The following NAALADL1 variants were observed in gnomAD, a reference collection of about 807,000 sequenced individuals.
NAALADL1 encodes N-acetylated alpha-linked acidic dipeptidase like 1.
A neutral mutation model predicts 82.8 loss-of-function variants in NAALADL1; 77 were observed. The ratio of observed to expected loss-of-function variants is 0.93; its 90% CI spans 0.77 to 1.12. NAALADL1 has a LOEUF of 1.12. NAALADL1 is among the 50% of genes most tolerant of loss of function. NAALADL1 has a pLI of 0.00. For synonymous variants in NAALADL1, 358 were observed against 399.2 expected (o/e 0.90, Z 1.23); for missense variants, 956 against 964.0 (o/e 0.99, Z 0.11).
In NAALADL1 at chr11:65,057,485, G is replaced by A. The variant is rs34388471; in HGVS notation, c.489C>T (p.Leu163=). ...YAPSGTPQGL[L]VYANRGAEED... is the part of the protein sequence containing the mutation. ...CTTCCGCGCCCCGGTTGGCATAGACGAGGAGGCCCTAGTCCCAAGAGGGGG... is the reference window on the plus strand; with the variant it reads ...CTTCCGCGCCCCGGTTGGCATAGACAAGGAGGCCCTAGTCCCAAGAGGGGG... The change falls in exon 4 of 18, where the codon CTC becomes CTT. Residue 163 remains leucine, a synonymous_variant. Coordinates refer to ENST00000358658, the MANE Select transcript of NAALADL1 (RefSeq NM_005468.3). 4.9e-3 allele frequency: 7,937 copies of A among 1,613,374 alleles called. 337 individuals are homozygous for A. In the African/African-American group the frequency reaches 0.093, roughly 19 times the overall value.
At chr11:65,046,580 T>A in intron 13 of NAALADL1, 54 bp from the exon 14 acceptor site, 1 of 1,566,086 alleles carries the variant, frequency 6.4e-7, no homozygotes, top group African/African-American at 1.4e-5. Flanking sequence ...TGGGAGAAGG[T>A]GTACCTCCAG....
intron 1 of NAALADL1, 22 bp downstream of exon 1, chr11:65,058,315 A>T: frequency 6.2e-7 from 1 of 1,613,930 alleles, no homozygotes; most frequent in Non-Finnish European, 8.5e-7. Flanking sequence ...CAAACGGAGG[A>T]GCAGATGGCC....
intron 4 of NAALADL1, among the ~76,000 whole-genome samples, chr11:65,056,031 C>A (rs1947030822): frequency 6.6e-6 from 1 of 151,704 alleles, no homozygotes; most frequent in Non-Finnish European, 1.5e-5. Context: ...ATTACAGGTG[C>A]CTGCCACCAT....
Position 65,044,925 on chromosome 11 carries a change from AC to A in NAALADL1, c.*345del. ...ACGCAGACTAGCCAAGGCCTAAGGT[AC>A]CCCAAGACTCACTTTCGCCACTGGT... is the stretch of plus-strand genomic sequence containing the variant. On this transcript the variant is annotated 3_prime_UTR_variant, in exon 18 of 18. Transcript: ENST00000358658. The surrounding 1 kb of genome is among the most constrained non-coding windows in gnomAD (Gnocchi z 4.0). 1.5e-6 allele frequency: 1 copy of A among 685,484 alleles called. No homozygotes were observed. Among genetic ancestry groups the A allele is most frequent in the Non-Finnish European group, 2.4e-6 (1 of 418,202 alleles). The allele number at this position is 685,484 out of a possible 1,614,324, so 42.5% of individuals were successfully genotyped here.
In NAALADL1 at chr11:65,053,576, G is replaced by A; in HGVS notation, c.993C>T (p.Ser331=). Residue 331 remains serine, a splice_region_variant and synonymous_variant, in exon 7 of 18, where the codon AGC becomes AGT. Transcript: ENST00000358658. The surrounding 1 kb of genome is among the most constrained non-coding windows in gnomAD (Gnocchi z 4.3). ...FRPDGDFPAD[S]QVNVSVYNRL... ...GGTTGTAGACGCTCACATTCACCTGGCTGGGGAGGGTGAAGGGTGTGAGAA... is the reference window on the plus strand; with the variant it reads ...GGTTGTAGACGCTCACATTCACCTGACTGGGGAGGGTGAAGGGTGTGAGAA... 4 of 1,593,174 alleles carry A rather than the reference G, an allele frequency of 2.5e-6. No homozygotes were observed. Among genetic ancestry groups the A allele is most frequent in the Non-Finnish European group, 3.4e-6 (4 of 1,167,986 alleles).
At position 65,047,509 on chromosome 11, in the gene NAALADL1, A is replaced by T; in HGVS notation, c.1565T>A (p.Ile522Asn). The T allele has an allele frequency of 6.4e-7, 1 of 1,569,960 alleles. No homozygotes were observed. The change falls in exon 13 of 18, where the codon ATC (isoleucine) becomes AAC (asparagine). Residue 522 changes from isoleucine (I) to asparagine (N), a missense_variant. Physicochemically the swap from Ile to Asn is moderately radical, Grantham distance 149. Transcript: ENST00000358658. ...GGTATAGGCAATGTCCATGGAGGAG[A>T]TGCCCAGGAAGTGAACGAAGGGTGC... is the stretch of plus-strand genomic sequence containing the variant. ...DYAPFVHFLG[I>N]SSMDIAYTYD...
At position 65,053,245 on chromosome 11, in the gene NAALADL1, G is replaced by T; in HGVS notation, c.1171C>A (p.Arg391Ser). Residue 391 changes from arginine to serine, a missense_variant, in exon 8 of 18, where the codon CGT (arginine) becomes AGT (serine). Coordinates refer to ENST00000358658, the MANE Select transcript of NAALADL1 (RefSeq NM_005468.3). The surrounding 1 kb of genome is among the most constrained non-coding windows in gnomAD (Gnocchi z 4.3). ...TTCTTCAGCAGGGTCCCCAGGACAC[G>T]GGAGAGCTCCAGGAGGACGGCGGTG... is the stretch of plus-strand genomic sequence containing the variant. ...SGTAVLLELS[R>S]VLGTLLKKGT... The T allele has an allele frequency of 6.4e-7, 1 of 1,552,816 alleles. No individual in the cohort carries two copies.
rs1427762609 is a variant in NAALADL1 at position 65,054,413 on chromosome 11, G to C, written c.887+42C>G. ...GTGAGTGTGGGGCTTGAAGTCTGGA[G>C]GCCACTGGGGCTGGGCAGGACACCC... On this transcript the variant is annotated intron_variant, in intron 5 of 17. Transcript: ENST00000358658. This position sits in a 1 kb window ranked among gnomAD's most constrained non-coding sequence, Gnocchi z 4.3. 1 of 1,612,322 alleles carries C rather than the reference G, an allele frequency of 6.2e-7. No individual in the cohort carries two copies. The highest frequency in any genetic ancestry group is 8.5e-7 in the Non-Finnish European group (1 of 1,178,698).
chr11:65,047,448 G>C, intron 13 of NAALADL1, 27 bp downstream of exon 13: 1 of 1,545,314 alleles, frequency 6.5e-7, no homozygotes, highest in Non-Finnish European at 8.8e-7. Flanking sequence ...AAGGTACCGA[G>C]GCAGGGACGG....
In NAALADL1 at chr11:65,054,829, G is replaced by A; in HGVS notation, c.604-91C>T. On this transcript the variant is annotated intron_variant, in intron 4 of 17. Coordinates refer to ENST00000358658, the MANE Select transcript of NAALADL1 (RefSeq NM_005468.3). This position sits in a 1 kb window ranked among gnomAD's most constrained non-coding sequence, Gnocchi z 4.3. ...CCTCCTTCCTCGACTGTGGAAGCCA[G>A]GATAGACCAATCTTCCATGGGCAAG... 1 of 1,470,034 alleles carries A rather than the reference G, an allele frequency of 6.8e-7. No individual in the cohort carries two copies. Among genetic ancestry groups the A allele is most frequent in the East Asian group, 2.3e-5 (1 of 43,202 alleles). 91.1% of individuals were successfully genotyped at this position (1,470,034 alleles called of 1,614,324 possible).
rs1404924513 is a variant in NAALADL1, at chr11:65,053,312, G to A, written c.1104C>T (p.His368=). The part of the protein sequence containing the change: ...EPDRYVLYGN[H]RDSWVHGAVD... ...CAGCCCCGTGCACCCAGCTGTCTCG[G>A]TGGTTCCCATACAGCACGTAGCGAT... Residue 368 remains histidine, a synonymous_variant, in exon 8 of 18, where the codon CAC becomes CAT. Transcript: ENST00000358658. This position sits in a 1 kb window ranked among gnomAD's most constrained non-coding sequence, Gnocchi z 4.3. The A allele has an allele frequency of 1.3e-6, 2 of 1,566,244 alleles. No individual in the cohort carries two copies. Among genetic ancestry groups the A allele is most frequent in the Admixed American group, 1.9e-5 (1 of 51,982 alleles).
At chr11:65,045,501 G>T in intron 17 of NAALADL1, 44 bp from the exon 18 acceptor site, 1 of 1,534,702 alleles carries the variant, frequency 6.5e-7, no homozygotes, top group Non-Finnish European at 8.8e-7. Context: ...TCAGTCAGGG[G>T]CCAGGAAAGA....
chr11:65,055,082 A>C (rs568958277), intron 4 of NAALADL1, among the ~76,000 whole-genome samples: 1 of 152,346 alleles, frequency 6.6e-6, no homozygotes, highest in East Asian at 1.9e-4. Context: ...TCAACAGATG[A>C]ATGGCTAAAC....
chr11:65,045,952 C>T, intron 16 of NAALADL1, 38 bp from the exon 17 acceptor site: 1 of 1,612,408 alleles, frequency 6.2e-7, no homozygotes, highest in Non-Finnish European at 8.5e-7. Context: ...ACCCTGGAGC[C>T]AGCAGCCCAG....
chr11:65,048,003 A>G lies in NAALADL1; in HGVS notation c.1394T>C (p.Val465Ala). 2 of 1,611,650 alleles carry G rather than the reference A, an allele frequency of 1.2e-6. No individual in the cohort carries two copies. The highest frequency in any genetic ancestry group is 1.1e-5 in the South Asian group (1 of 90,946). Residue 465 changes from valine (V) to alanine (A), a missense_variant, in exon 11 of 18, where the codon GTC becomes GCC. By Grantham distance (64) the Val-to-Ala change is moderately conservative. Coordinates refer to ENST00000358658, the MANE Select transcript of NAALADL1 (RefSeq NM_005468.3). ...CACCTCTTTGGTTGCAGAGAAGACG[A>G]CGCTCTGGACAGGGGGCGTCCCCTG... ...RVQGTPPVQS[V>A]VFSATKEIRS... is the part of the protein sequence containing the mutation.
At position 65,054,845 on chromosome 11, in the gene NAALADL1, C is replaced by T; in HGVS notation, c.604-107G>A. 1 of 1,401,108 alleles carries T rather than the reference C, an allele frequency of 7.1e-7. No homozygotes were observed. Among genetic ancestry groups the T allele is most frequent in the East Asian group, 2.4e-5 (1 of 41,950 alleles). 86.8% of individuals were successfully genotyped at this position (1,401,108 alleles called of 1,614,324 possible). A position where few individuals can be genotyped will look rare whatever the true frequency, so the allele number is the denominator to read the frequency against. On this transcript the variant is annotated intron_variant, in intron 4 of 17. Coordinates refer to ENST00000358658, the MANE Select transcript of NAALADL1 (RefSeq NM_005468.3). The surrounding 1 kb of genome is among the most constrained non-coding windows in gnomAD (Gnocchi z 4.3). The stretch of plus-strand genomic sequence containing the variant: ...TGGAAGCCAGGATAGACCAATCTTC[C>T]ATGGGCAAGATGACGTTTGCACAAG...
rs1303425178 is a variant in NAALADL1 at position 65,058,471 on chromosome 11, C to T, written c.51G>A (p.Leu17=). ...AGTGGCCGAGGATGATCCCCAGCCC[C>T]AAGAGGGCAGCAGCCCCCAGCCCCA... is the stretch of plus-strand genomic sequence containing the variant. ...LGLGLGAAAL[L]GLGIILGHFA... is the part of the protein sequence containing the mutation. Residue 17 remains leucine (L), a synonymous_variant, in exon 1 of 18, where the codon TTG becomes TTA. Coordinates refer to ENST00000358658, the MANE Select transcript of NAALADL1 (RefSeq NM_005468.3). 6.2e-7 allele frequency: 1 copy of T among 1,612,880 alleles called. No individual in the cohort carries two copies. The highest frequency in any genetic ancestry group is 1.7e-5 in the Admixed American group (1 of 59,902).
intron 10 of NAALADL1, 35 bp downstream of exon 10, chr11:65,048,117 G>A (rs1404502916): frequency 6.2e-7 from 1 of 1,613,438 alleles, no homozygotes; most frequent in Non-Finnish European, 8.5e-7. Context: ...TCGTCCCGCC[G>A]TCTCCTCCCC....
At position 65,046,094 on chromosome 11, in the gene NAALADL1, C is replaced by T. The variant is rs747273121; in HGVS notation, c.1876G>A (p.Glu626Lys). The T allele has an allele frequency of 6.2e-7, 1 of 1,614,028 alleles. No homozygotes were observed. The highest frequency in any genetic ancestry group is 1.3e-5 in the African/African-American group (1 of 74,932). The change falls in exon 16 of 18, where the codon GAG (glutamate) becomes AAG (lysine). Residue 626 changes from glutamate to lysine, a missense_variant. Transcript: ENST00000358658. ...GCTGCAGCTTCTGCCTCAAACTTCT[C>T]CACTGCAGTCACCAGAGGCCCTGTG... is the stretch of plus-strand genomic sequence containing the variant. ...ISLGPLVTAV[E>K]KFEAEAAALG...
Sources: gnomAD v4.1 joint callset for allele counts (sites outside exome capture counted in the v4.1 genomes callset) on GRCh38, gnomAD v4.1.1 for gene constraint, Gnocchi (gnomAD v3.1) non-coding constraint, MANE v1.5 for transcripts, NCBI Gene and HGNC (gene_info 2026-07-23, HGNC 2026-07-21) for gene names.